PDE4D: variants seen among roughly 807,000 people sequenced by gnomAD.
The protein encoded by PDE4D is 3',5'-cyclic-AMP phosphodiesterase 4D.
A neutral mutation model predicts 87.4 loss-of-function variants in PDE4D; 24 were observed. That is an observed-to-expected ratio of 0.27 (90% CI 0.20 to 0.39). PDE4D has a LOEUF of 0.39. Among genes scored for constraint, PDE4D ranks in the 10% least tolerant of loss-of-function variants. The pLI is 1.00. For synonymous variants in PDE4D, 384 were observed against 383.2 expected (o/e 1.00, Z -0.02); for missense variants, 714 against 1,041.0 (o/e 0.69, Z 4.32).
At chr5:59,635,680 A>G (rs975201397) in intron 1 of PDE4D, among the ~76,000 whole-genome samples, 2 of 152,216 alleles carry the variant, frequency 1.3e-5, no homozygotes, top group Non-Finnish European at 2.9e-5. Context: ...CCTTCGATAA[A>G]ATTCAACACT....
intron 1 of PDE4D, among the ~76,000 whole-genome samples, chr5:59,518,367 A>G (rs1205166730): frequency 6.6e-6 from 1 of 152,048 alleles, no homozygotes; most frequent in East Asian, 1.9e-4. Flanking sequence ...ATTTAACCTC[A>G]TGTCTTATTG....
intron 1 of PDE4D, among the ~76,000 whole-genome samples, chr5:59,601,148 T>C (rs950177016): frequency 7.2e-5 from 11 of 152,136 alleles, no homozygotes; most frequent in Non-Finnish European, 1.5e-4. Flanking sequence ...GTGACAATGA[T>C]ATGTTTGCAG....
intron 1 of PDE4D, among the ~76,000 whole-genome samples, chr5:59,706,272 G>A (rs1244157314): frequency 6.6e-6 from 1 of 152,078 alleles, no homozygotes; most frequent in Non-Finnish European, 1.5e-5. Flanking sequence ...CTCAGAAGAA[G>A]CTGTGGCCAG....
intron 1 of PDE4D, chr5:59,587,476 G>T (rs1825332466): frequency 1.8e-5 from 18 of 985,210 alleles, no homozygotes; most frequent in Non-Finnish European, 2.2e-5. Flanking sequence ...AAACACAATG[G>T]CAACAGGCTC....
At chr5:59,404,664 T>TTAAAAAAAA (rs1397620171) in intron 1 of PDE4D, among the ~76,000 whole-genome samples, 3 of 137,100 alleles carry the variant, frequency 2.2e-5, no homozygotes, top group Non-Finnish European at 4.7e-5. Context: ...AGACTCTGTC[T>TTAAAAAAAA]AAAAAAAAAA....
chr5:59,672,379 A>G (rs986970378), intron 1 of PDE4D, among the ~76,000 whole-genome samples: 1 of 152,214 alleles, frequency 6.6e-6, no homozygotes, highest in Non-Finnish European at 1.5e-5. Context: ...AAGGAATGAA[A>G]TGAAAAAGTT....
At chr5:59,228,179 A>T (rs867597861) in intron 1 of PDE4D, among the ~76,000 whole-genome samples, 12 of 152,190 alleles carry the variant, frequency 7.9e-5, no homozygotes, top group African/African-American at 2.7e-4. Flanking sequence ...GCATGTTTTC[A>T]CTTATAAGTG....
intron 3 of PDE4D, among the ~76,000 whole-genome samples, chr5:59,932,242 T>A (rs114284986): frequency 6.6e-6 from 1 of 152,170 alleles, no homozygotes; most frequent in African/African-American, 2.4e-5. Context: ...GCAGTTCAAC[T>A]CAACAGATAA....
At chr5:59,224,631 A>T (rs567165157) in intron 1 of PDE4D, among the ~76,000 whole-genome samples, 2 of 152,316 alleles carry the variant, frequency 1.3e-5, no homozygotes, top group Non-Finnish European at 2.9e-5. Context: ...CATATGTTGA[A>T]GCCTTAATCA....
In PDE4D at chr5:58,973,815, A is replaced by AACAT. The variant is rs779353227; in HGVS notation, c.*845_*848dup. 3.3e-5 allele frequency: 5 copies of AACAT among 152,352 alleles called. No homozygotes were observed. Among genetic ancestry groups the AACAT allele is most frequent in the Non-Finnish European group, 5.9e-5 (4 of 67,970 alleles). The allele number at this position is 152,352 out of a possible 1,614,324, so 9.4% of individuals were successfully genotyped here. A position where few individuals can be genotyped will look rare whatever the true frequency, so the allele number is the denominator to read the frequency against. ...AAGACTTACAAAAAGGGTTTCCTGC[A>AACAT]ACATAAAGTTGTTTTTCTCTTTTAA... On this transcript the variant is annotated 3_prime_UTR_variant, in exon 15 of 15. Transcript: ENST00000340635.
intron 1 of PDE4D, among the ~76,000 whole-genome samples, chr5:60,470,441 C>G (rs1393219234): frequency 6.6e-6 from 1 of 152,136 alleles, no homozygotes; most frequent in Non-Finnish European, 1.5e-5. Flanking sequence ...AACAGATTTT[C>G]AATGAAGGTA....
intron 1 of PDE4D, among the ~76,000 whole-genome samples, chr5:60,314,536 G>T (rs1006314518): frequency 3.9e-5 from 6 of 151,994 alleles, no homozygotes; most frequent in African/African-American, 1.2e-4. Context: ...TGCACAACAT[G>T]CAGGTTGGTT....
At chr5:59,190,737 A>G (rs1468762623) in intron 3 of PDE4D, among the ~76,000 whole-genome samples, 1 of 152,168 alleles carries the variant, frequency 6.6e-6, no homozygotes, top group Non-Finnish European at 1.5e-5. Flanking sequence ...AACAGGGTTT[A>G]AGAGAAGGCC....
intron 1 of PDE4D, among the ~76,000 whole-genome samples, chr5:60,378,351 CGAACATAAGGAT>C (rs1473624752): frequency 6.6e-6 from 1 of 152,072 alleles, no homozygotes; most frequent in Non-Finnish European, 1.5e-5. Context: ...ACCAGGATTC[CGAACATAAGGAT>C]CCAAGTTTAC....
chr5:59,779,799 G>T (rs997580992), intron 1 of PDE4D, among the ~76,000 whole-genome samples: 1 of 152,158 alleles, frequency 6.6e-6, no homozygotes, highest in Non-Finnish European at 1.5e-5. Context: ...CTTGCAAAAC[G>T]CATTGGGAAT....
At chr5:60,389,187 C>T (rs1762405669) in intron 1 of PDE4D, among the ~76,000 whole-genome samples, 1 of 152,166 alleles carries the variant, frequency 6.6e-6, no homozygotes, top group East Asian at 1.9e-4. Context: ...TCTCCCTCTT[C>T]CTTCCCTAAG....
At chr5:60,462,720 T>C (rs1747052147) in intron 1 of PDE4D, among the ~76,000 whole-genome samples, 2 of 152,196 alleles carry the variant, frequency 1.3e-5, no homozygotes, top group African/African-American at 4.8e-5. Flanking sequence ...TGTAGAATAG[T>C]GTCTTCCCTT....
At chr5:59,517,502 T>C (rs1489934232) in intron 1 of PDE4D, among the ~76,000 whole-genome samples, 1 of 152,136 alleles carries the variant, frequency 6.6e-6, no homozygotes, top group East Asian at 1.9e-4. Context: ...CTTCCTTATA[T>C]AGGGTACAGA....
At chr5:60,384,953 A>G (rs982409604) in intron 1 of PDE4D, among the ~76,000 whole-genome samples, 7 of 152,198 alleles carry the variant, frequency 4.6e-5, no homozygotes, top group African/African-American at 1.4e-4. Context: ...AACAAACCTA[A>G]ACCTTGAATC....
Sources: allele counts gnomAD v4.1 joint callset (sites outside exome capture counted in the v4.1 genomes callset), GRCh38; gene constraint gnomAD v4.1.1; transcripts MANE v1.5; gene names NCBI Gene and HGNC (gene_info 2026-07-23, HGNC 2026-07-21).